The following RGS17 variants were observed in gnomAD, a reference collection of about 807,000 sequenced individuals.
RGS17 encodes regulator of G protein signaling 17.
In RGS17, 12 loss-of-function variants were observed where a neutral mutation model predicts 25.5. The observed-to-expected ratio is 0.47, with a 90% CI of 0.30 to 0.76. The LOEUF (loss-of-function observed/expected upper bound fraction) is 0.76, where lower values mean the gene tolerates loss of function less well. Ranked by LOEUF, RGS17 falls within the 30% of genes least tolerant of loss-of-function variation. The pLI, the probability that RGS17 is intolerant of heterozygous loss-of-function variation, is 0.07. For synonymous variants in RGS17, 71 were observed against 76.9 expected (o/e 0.92, Z 0.40); for missense variants, 196 against 242.2 (o/e 0.81, Z 1.27).
intron 1 of RGS17, among the ~76,000 whole-genome samples, chr6:153,053,911 C>G: frequency 9.1e-6 from 1 of 109,316 alleles, no homozygotes; most frequent in Non-Finnish European, 1.7e-5. Flanking sequence ...TACATACACA[C>G]ATTATATATA....
At position 153,004,931 on chromosome 6, in the gene RGS17, G is replaced by A. The variant is rs963766482; in HGVS notation, c.*6643C>T. On this transcript the variant is annotated 3_prime_UTR_variant, in exon 5 of 5. Coordinates refer to ENST00000206262, the MANE Select transcript of RGS17 (RefSeq NM_012419.5). ...AGTACAATATATGGATATAGATTAA[G>A]TGTGATGAACATGGTAGTAAAAAAT... 2 of 152,152 alleles carry A rather than the reference G, an allele frequency of 1.3e-5. No individual in the cohort carries two copies. The highest frequency in any genetic ancestry group is 2.9e-5 in the Non-Finnish European group (2 of 68,004). The allele number at this position is 152,152 out of a possible 1,614,324, so 9.4% of individuals were successfully genotyped here.
chr6:153,076,355 GAAGTT>G (rs1240971267), intron 1 of RGS17, among the ~76,000 whole-genome samples: 3 of 152,026 alleles, frequency 2.0e-5, no homozygotes, highest in Non-Finnish European at 4.4e-5. Context: ...GAGAAATACA[GAAGTT>G]AAGAAAAACT....
intron 1 of RGS17, among the ~76,000 whole-genome samples, chr6:153,126,780 T>C (rs575569699): frequency 6.6e-6 from 1 of 152,282 alleles, no homozygotes; most frequent in South Asian, 2.1e-4. Context: ...GAGATACGCA[T>C]ACAAAATTTA....
At chr6:153,031,764 A>G (rs1350040524) in intron 2 of RGS17, among the ~76,000 whole-genome samples, 1 of 152,222 alleles carries the variant, frequency 6.6e-6, no homozygotes, top group Non-Finnish European at 1.5e-5. Context: ...TACATTGAGT[A>G]TAAATGCCCT....
At chr6:153,099,695 G>A (rs992110256) in intron 1 of RGS17, among the ~76,000 whole-genome samples, 1 of 152,132 alleles carries the variant, frequency 6.6e-6, no homozygotes, top group Non-Finnish European at 1.5e-5. Flanking sequence ...TTTGTTTCTG[G>A]TTGCACCATT....
rs769065220 is a variant in RGS17 at position 153,007,490 on chromosome 6, A to G, written c.*4084T>C. 4.6e-5 allele frequency: 7 copies of G among 152,194 alleles called. No homozygotes were observed. The highest frequency in any genetic ancestry group is 7.3e-5 in the Non-Finnish European group (5 of 68,028). 9.4% of individuals were successfully genotyped at this position (152,194 alleles called of 1,614,324 possible). A position where few individuals can be genotyped will look rare whatever the true frequency, so the allele number is the denominator to read the frequency against. The stretch of plus-strand genomic sequence containing the variant: ...TTGGAAATATCTTTACCATCTTTCA[A>G]AATAATTAGGCAATGTGTCAAGATC... On this transcript the variant is annotated 3_prime_UTR_variant, in exon 5 of 5. Coordinates refer to ENST00000206262, the MANE Select transcript of RGS17 (RefSeq NM_012419.5).
At chr6:153,049,251 T>C (rs569967398) in intron 1 of RGS17, among the ~76,000 whole-genome samples, 1 of 152,260 alleles carries the variant, frequency 6.6e-6, no homozygotes, top group African/African-American at 2.4e-5. Context: ...ACACTAGTAA[T>C]AATGAATTTG....
At chr6:153,051,302 T>C (rs987255696) in intron 1 of RGS17, among the ~76,000 whole-genome samples, 2 of 152,178 alleles carry the variant, frequency 1.3e-5, no homozygotes, top group African/African-American at 4.8e-5. Flanking sequence ...ATGAAGGGAC[T>C]TTTAAAGGTG....
At chr6:153,125,973 A>G (rs1420044025) in intron 1 of RGS17, among the ~76,000 whole-genome samples, 1 of 152,258 alleles carries the variant, frequency 6.6e-6, no homozygotes, top group East Asian at 1.9e-4. Context: ...TAAAAAGTCA[A>G]AAACAGGAGC....
rs1779126506 is a variant in RGS17 at position 153,010,992 on chromosome 6, A to G, written c.*582T>C. On this transcript the variant is annotated 3_prime_UTR_variant, in exon 5 of 5. Transcript: ENST00000206262. ...GAGGAATCCCCATTAGGATTTTCCA[A>G]CAAACAGAGATAAATAGCTCTTTTT... The G allele has an allele frequency of 6.6e-6, 1 of 152,362 alleles. No homozygotes were observed. Among genetic ancestry groups the G allele is most frequent in the Non-Finnish European group, 1.5e-5 (1 of 67,918 alleles). The allele number at this position is 152,362 out of a possible 1,614,324, so 9.4% of individuals were successfully genotyped here. A position where few individuals can be genotyped will look rare whatever the true frequency, so the allele number is the denominator to read the frequency against.
At chr6:153,109,672 T>C (rs1471989542) in intron 1 of RGS17, among the ~76,000 whole-genome samples, 1 of 152,204 alleles carries the variant, frequency 6.6e-6, no homozygotes, top group Non-Finnish European at 1.5e-5. Context: ...ATTTGTAACA[T>C]TTGTCTCACA....
chr6:153,023,526 T>A (rs945303997), intron 4 of RGS17: 2 of 255,344 alleles, frequency 7.8e-6, no homozygotes, highest in Non-Finnish European at 1.7e-5. Context: ...AAGAACAAAT[T>A]AAGTTTTAAA....
intron 2 of RGS17, among the ~76,000 whole-genome samples, chr6:153,039,684 G>C (rs1258302571): frequency 6.6e-6 from 1 of 152,208 alleles, no homozygotes; most frequent in East Asian, 1.9e-4. Flanking sequence ...AGAGTTCGTA[G>C]GACAATTTGA....
chr6:153,066,272 C>T (rs1776707024), intron 1 of RGS17, among the ~76,000 whole-genome samples: 2 of 152,126 alleles, frequency 1.3e-5, no homozygotes, highest in East Asian at 3.9e-4. Context: ...AAGGGGGAAC[C>T]ATTGTACACT....
intron 1 of RGS17, among the ~76,000 whole-genome samples, chr6:153,081,498 G>T (rs981604459): frequency 4.7e-5 from 7 of 148,734 alleles, no homozygotes; most frequent in Admixed American, 4.6e-4. Context: ...CATGTATATG[G>T]TTGGGTCTTG....
chr6:153,087,918 G>T (rs1272400500), intron 1 of RGS17, among the ~76,000 whole-genome samples: 1 of 152,148 alleles, frequency 6.6e-6, no homozygotes, highest in Non-Finnish European at 1.5e-5. Context: ...TTGAATGTGG[G>T]TTACATTTAC....
chr6:153,097,301 T>C (rs1357911771), intron 1 of RGS17, among the ~76,000 whole-genome samples: 6 of 141,294 alleles, frequency 4.2e-5, no homozygotes, highest in African/African-American at 1.6e-4. Flanking sequence ...TTTTTTTTTT[T>C]TTTTTTTTTT....
intron 1 of RGS17, among the ~76,000 whole-genome samples, chr6:153,066,060 G>T (rs964142758): frequency 2.0e-5 from 3 of 151,928 alleles, no homozygotes; most frequent in African/African-American, 7.2e-5. Context: ...AAAGAGAGAA[G>T]ATCCAAATAA....
At chr6:153,082,143 C>A (rs1776995422) in intron 1 of RGS17, among the ~76,000 whole-genome samples, 1 of 152,136 alleles carries the variant, frequency 6.6e-6, no homozygotes, top group African/African-American at 2.4e-5. Context: ...TATCTGGTTT[C>A]TGGCTCTTTT....
Sources: allele counts gnomAD v4.1 joint callset (sites outside exome capture counted in the v4.1 genomes callset), GRCh38; gene constraint gnomAD v4.1.1; transcripts MANE v1.5; gene names NCBI Gene and HGNC (gene_info 2026-07-23, HGNC 2026-07-21).